Variants in CACNA2D3 observed in about 807,000 individuals in gnomAD.
CACNA2D3 encodes voltage-dependent calcium channel subunit alpha-2/delta-3.
CACNA2D3 carries 60 observed loss-of-function variants against 160.6 expected under a neutral mutation model. The observed-to-expected ratio is 0.37, with a 90% CI of 0.30 to 0.46. The LOEUF (loss-of-function observed/expected upper bound fraction) is 0.46. CACNA2D3 is among the 20% of genes least tolerant of loss of function. CACNA2D3 has a pLI of 1.00. For synonymous variants in CACNA2D3, 558 were observed against 492.9 expected, an observed-to-expected ratio of 1.13 and a Z score of -1.75; for missense variants, 1,205 against 1,365.0, an observed-to-expected ratio of 0.88 and a Z score of 1.85.
chr3:54,879,230 T>C (rs1699735139), intron 19 of CACNA2D3, 120 bp from the exon 20 acceptor site: 1 of 862,414 alleles, frequency 1.2e-6, no homozygotes, highest in Non-Finnish European at 1.8e-6. Flanking sequence ...ACAAGATTCA[T>C]GTAGTACTGT....
chr3:54,642,379 G>A, intron 11 of CACNA2D3, 138 bp downstream of exon 11: 1 of 508,232 alleles, frequency 2.0e-6, no homozygotes, highest in Non-Finnish European at 3.4e-6. Context: ...GTGTTTTTTG[G>A]TTGACCAAAA....
intron 5 of CACNA2D3, among the ~76,000 whole-genome samples, chr3:54,555,084 C>A (rs1187816553): frequency 2.0e-5 from 3 of 152,088 alleles, no homozygotes; most frequent in African/African-American, 7.2e-5. Flanking sequence ...CCATGTTGGC[C>A]AGACTGGTCT....
chr3:54,962,342 G>A (rs140576699), intron 27 of CACNA2D3, among the ~76,000 whole-genome samples: 286 of 152,210 alleles, frequency 1.9e-3, no homozygotes, highest in Middle Eastern at 3.4e-3. Context: ...ACACTCTAAG[G>A]AACATTCCTA....
At chr3:54,731,941 G>A (rs1212367804) in intron 11 of CACNA2D3, among the ~76,000 whole-genome samples, 1 of 152,084 alleles carries the variant, frequency 6.6e-6, no homozygotes, top group Non-Finnish European at 1.5e-5. Flanking sequence ...CAGTGTCAAG[G>A]CCCTTTTTTT....
chr3:54,435,318 C>T (rs570153842), intron 4 of CACNA2D3, among the ~76,000 whole-genome samples: 21 of 152,150 alleles, frequency 1.4e-4, no homozygotes, highest in African/African-American at 4.8e-4. Flanking sequence ...TCCGATCCTG[C>T]GTGCCTCTGG....
intron 4 of CACNA2D3, among the ~76,000 whole-genome samples, chr3:54,393,953 C>T (rs918876042): frequency 5.9e-5 from 9 of 152,078 alleles, no homozygotes; most frequent in African/African-American, 2.2e-4. Flanking sequence ...CTAGGCTTTG[C>T]CATTTTGGGT....
chr3:55,050,328 G>C (rs1297335833), intron 35 of CACNA2D3, among the ~76,000 whole-genome samples: 2 of 151,928 alleles, frequency 1.3e-5, no homozygotes, highest in South Asian at 2.1e-4. Flanking sequence ...GCATTTGCTT[G>C]TCTGTAAAGT....
intron 5 of CACNA2D3, among the ~76,000 whole-genome samples, chr3:54,509,577 C>G (rs146571981): frequency 6.6e-6 from 1 of 152,100 alleles, no homozygotes; most frequent in Admixed American, 6.6e-5. Context: ...AAATAACACT[C>G]GAGAACCTCC....
chr3:54,424,258 T>C (rs1699880827), intron 4 of CACNA2D3, among the ~76,000 whole-genome samples: 1 of 152,190 alleles, frequency 6.6e-6, no homozygotes, highest in Non-Finnish European at 1.5e-5. Context: ...ACAGCCAGGC[T>C]GCAAAAAGAG....
At chr3:54,287,943 T>C (rs890109817) in intron 2 of CACNA2D3, among the ~76,000 whole-genome samples, 2 of 149,344 alleles carry the variant, frequency 1.3e-5, no homozygotes, top group Non-Finnish European at 3.0e-5. Context: ...AGAGGGAAAT[T>C]TATAGCACTA....
intron 16 of CACNA2D3, among the ~76,000 whole-genome samples, chr3:54,840,403 C>CT (rs1174129020): frequency 0.1 from 7,394 of 73,396 alleles, 809 homozygotes; most frequent in South Asian, 0.15. Flanking sequence ...AGAACCATGT[C>CT]TTTTTTTTTT....
intron 10 of CACNA2D3, among the ~76,000 whole-genome samples, chr3:54,628,586 G>A (rs1699171885): frequency 6.6e-6 from 1 of 152,152 alleles, no homozygotes; most frequent in African/African-American, 2.4e-5. Flanking sequence ...ATAACAGGGA[G>A]GCCATTAAGT....
chr3:54,545,954 C>G (rs895116942), intron 5 of CACNA2D3, among the ~76,000 whole-genome samples: 2 of 152,204 alleles, frequency 1.3e-5, no homozygotes, highest in African/African-American at 4.8e-5. Flanking sequence ...GGTTGGCATG[C>G]TCCATCACCC....
intron 35 of CACNA2D3, among the ~76,000 whole-genome samples, chr3:55,051,313 C>T (rs1379123838): frequency 6.6e-6 from 1 of 152,082 alleles, no homozygotes; most frequent in African/African-American, 2.4e-5. Flanking sequence ...TGTTAGTTTT[C>T]CTTCTAACAG....
intron 5 of CACNA2D3, among the ~76,000 whole-genome samples, chr3:54,520,306 T>C (rs1243912455): frequency 6.6e-6 from 1 of 152,188 alleles, no homozygotes; most frequent in Admixed American, 6.5e-5. Flanking sequence ...GGGAAGAGTG[T>C]CTTGGCCCAG....
Position 54,483,538 on chromosome 3 carries a change from T to G in CACNA2D3, c.382-19954T>G, listed in dbSNP as rs533751794. ...CTCCAGAGCATTATCTCAAATGAAG[T>G]GTCAAGGCACTAAATGGATTTACCT... On this transcript the variant is annotated intron_variant, in intron 4 of 37. Transcript: ENST00000474759. Among the ~76,000 whole-genome samples, 8 of 152,346 alleles carry G rather than the reference T, an allele frequency of 5.3e-5. No individual in the cohort carries two copies. The South Asian group carries it at 1.7e-3, about 32-fold the overall frequency.
At chr3:54,321,564 T>C (rs1703995192) in intron 3 of CACNA2D3, among the ~76,000 whole-genome samples, 1 of 152,210 alleles carries the variant, frequency 6.6e-6, no homozygotes, top group Non-Finnish European at 1.5e-5. Context: ...GTATATGTAC[T>C]CACTTGTATT....
At chr3:54,140,803 C>T (rs1305857401) in intron 2 of CACNA2D3, among the ~76,000 whole-genome samples, 1 of 152,174 alleles carries the variant, frequency 6.6e-6, no homozygotes, top group Non-Finnish European at 1.5e-5. Flanking sequence ...TTGCTACTGC[C>T]TTCGGATTTT....
intron 5 of CACNA2D3, among the ~76,000 whole-genome samples, chr3:54,543,553 C>A (rs2106669022): frequency 6.6e-6 from 1 of 152,280 alleles, no homozygotes; most frequent in East Asian, 1.9e-4. Flanking sequence ...TGAAGACTTA[C>A]TGCAGAATTC....
Sources: allele counts gnomAD v4.1 joint callset (sites outside exome capture counted in the v4.1 genomes callset), GRCh38; gene constraint gnomAD v4.1.1; transcripts MANE v1.5; gene names NCBI Gene and HGNC (gene_info 2026-07-23, HGNC 2026-07-21).